Variants in CNTNAP2 observed in about 807,000 individuals in gnomAD.
CNTNAP2 encodes contactin-associated protein-like 2.
CNTNAP2 carries 98 observed loss-of-function variants against 155.2 expected under a neutral mutation model. That is an observed-to-expected ratio of 0.63 (90% confidence interval 0.54 to 0.75). CNTNAP2 has a LOEUF of 0.75. Ranked by LOEUF, CNTNAP2 falls within the 30% of genes least tolerant of loss-of-function variation. The pLI, the probability that CNTNAP2 is intolerant of heterozygous loss-of-function variation, is 0.00. For synonymous variants in CNTNAP2, 651 were observed against 631.2 expected (o/e 1.03, Z -0.47); for missense variants, 1,727 against 1,688.1 (o/e 1.02, Z -0.40).
intron 1 of CNTNAP2, among the ~76,000 whole-genome samples, chr7:146,769,893 G>T (rs767578403): frequency 9.9e-5 from 15 of 151,964 alleles, no homozygotes; most frequent in Non-Finnish European, 1.6e-4. Context: ...TGTGGGCTGG[G>T]TTGGGCCTGC....
rs555422385 is a variant in CNTNAP2 at position 146,338,450 on chromosome 7, A to G, written c.97+221477A>G. On this transcript the variant is annotated intron_variant, in intron 1 of 23. Transcript: ENST00000361727. ...TTCTCCGCATCAGATATAAAGTTATATGGAGTCCAAAGACCATCAATAGAG... is the reference window on the plus strand; with the variant it reads ...TTCTCCGCATCAGATATAAAGTTATGTGGAGTCCAAAGACCATCAATAGAG... 3.9e-5 allele frequency among the ~76,000 whole-genome samples: 6 copies of G among 152,264 alleles called. No individual in the cohort carries two copies. In the East Asian group the frequency reaches 1.2e-3, roughly 30 times the overall value.
At chr7:146,203,483 G>A (rs1056313763) in intron 1 of CNTNAP2, among the ~76,000 whole-genome samples, 4 of 152,144 alleles carry the variant, frequency 2.6e-5, no homozygotes, top group African/African-American at 9.7e-5. Context: ...GATGAGTGTG[G>A]CAGTGTACAG....
chr7:146,631,755 G>T (rs931250641), intron 1 of CNTNAP2, among the ~76,000 whole-genome samples: 1 of 152,124 alleles, frequency 6.6e-6, no homozygotes, highest in Non-Finnish European at 1.5e-5. Context: ...TTTCCACAGT[G>T]AACTACATAC....
chr7:148,095,915 A>G (rs1803955850), intron 15 of CNTNAP2, among the ~76,000 whole-genome samples: 1 of 152,226 alleles, frequency 6.6e-6, no homozygotes, highest in Admixed American at 6.5e-5. Flanking sequence ...TGTCAACTAG[A>G]GCAGGAGAAA....
At chr7:146,201,639 AGTGTGT>A (rs57595774) in intron 1 of CNTNAP2, among the ~76,000 whole-genome samples, 7,720 of 146,788 alleles carry the variant, frequency 0.053, 258 homozygotes, top group African/African-American at 0.1. Flanking sequence ...ATGTCCCACG[AGTGTGT>A]GTGTGTGTGT....
At chr7:148,276,262 G>C (rs1281848153) in intron 21 of CNTNAP2, among the ~76,000 whole-genome samples, 1 of 152,154 alleles carries the variant, frequency 6.6e-6, no homozygotes, top group Non-Finnish European at 1.5e-5. Context: ...GTTTACCTGG[G>C]AGACAATCCC....
chr7:147,966,037 A>G (rs1801203995), intron 14 of CNTNAP2, among the ~76,000 whole-genome samples: 1 of 152,176 alleles, frequency 6.6e-6, no homozygotes, highest in Admixed American at 6.5e-5. Context: ...CTAGGGGAGC[A>G]AAATGACCTG....
At chr7:146,969,819 G>C (rs535668353) in intron 3 of CNTNAP2, among the ~76,000 whole-genome samples, 18 of 152,252 alleles carry the variant, frequency 1.2e-4, no homozygotes, top group African/African-American at 3.6e-4. Context: ...ATACTACAAG[G>C]CTACAGTAAT....
intron 13 of CNTNAP2, among the ~76,000 whole-genome samples, chr7:147,786,886 T>TG (rs1797748595): frequency 6.6e-6 from 1 of 151,996 alleles, no homozygotes; most frequent in South Asian, 2.1e-4. Context: ...GGAGGATATG[T>TG]GGAGCCCAGG....
chr7:148,077,077 G>A (rs1045889815), intron 15 of CNTNAP2, among the ~76,000 whole-genome samples: 2 of 152,102 alleles, frequency 1.3e-5, no homozygotes, highest in African/African-American at 4.8e-5. Flanking sequence ...GGAGGCCAAG[G>A]CGGGTGGCTC....
At chr7:147,205,047 G>A (rs563267293) in intron 8 of CNTNAP2, among the ~76,000 whole-genome samples, 22 of 152,192 alleles carry the variant, frequency 1.4e-4, no homozygotes, top group Non-Finnish European at 2.6e-4. Flanking sequence ...AGTACACTAT[G>A]AAGTTCAATA....
intron 9 of CNTNAP2, among the ~76,000 whole-genome samples, chr7:147,339,616 G>T (rs860399): frequency 0.79 from 119,716 of 152,016 alleles, 47,730 homozygotes; most frequent in African/African-American, 0.92. Flanking sequence ...AATATTCATA[G>T]GTGAATATTG....
chr7:147,000,542 A>G (rs912945746), intron 3 of CNTNAP2, among the ~76,000 whole-genome samples: 1 of 152,020 alleles, frequency 6.6e-6, no homozygotes, highest in Non-Finnish European at 1.5e-5. Flanking sequence ...TTCAGTGTTA[A>G]GCCTGTCCAG....
intron 13 of CNTNAP2, among the ~76,000 whole-genome samples, chr7:147,880,714 G>C (rs1799505118): frequency 6.6e-6 from 1 of 152,084 alleles, no homozygotes; most frequent in South Asian, 2.1e-4. Flanking sequence ...CAAGACAAAG[G>C]AATGACAGGG....
At chr7:148,057,105 C>T (rs1803029017) in intron 15 of CNTNAP2, among the ~76,000 whole-genome samples, 1 of 152,152 alleles carries the variant, frequency 6.6e-6, no homozygotes, top group Non-Finnish European at 1.5e-5. Flanking sequence ...TATTCACAGC[C>T]CTCGGTGCAG....
At chr7:146,187,754 ACT>A (rs2116846706) in intron 1 of CNTNAP2, among the ~76,000 whole-genome samples, 1 of 151,852 alleles carries the variant, frequency 6.6e-6, no homozygotes, top group South Asian at 2.1e-4. Context: ...ACAACACGGA[ACT>A]CTCTCTTATT....
intron 20 of CNTNAP2, among the ~76,000 whole-genome samples, chr7:148,256,823 G>C (rs1796463274): frequency 6.6e-6 from 1 of 152,138 alleles, no homozygotes; most frequent in African/African-American, 2.4e-5. Flanking sequence ...GGGCTCAGGA[G>C]ACAAATCTGT....
chr7:146,529,269 T>C lies in CNTNAP2; in HGVS notation c.98-245002T>C, dbSNP rs538603318. ...TGTATGTTAACAAAGAAAAAATATA[T>C]GAAAGTAAAAGGAAGAAAAGAAATT... is the stretch of plus-strand genomic sequence containing the variant. On this transcript the variant is annotated intron_variant, in intron 1 of 23. Coordinates refer to ENST00000361727, the MANE Select transcript of CNTNAP2 (RefSeq NM_014141.6). Among the ~76,000 whole-genome samples, 5 of 152,262 alleles carry C rather than the reference T, an allele frequency of 3.3e-5. No homozygotes were observed. The East Asian group carries it at 5.8e-4, about 18-fold the overall frequency.
chr7:148,333,095 T>A (rs1234031192), intron 21 of CNTNAP2, among the ~76,000 whole-genome samples: 2 of 152,136 alleles, frequency 1.3e-5, no homozygotes, highest in Non-Finnish European at 2.9e-5. Context: ...TGGAGAGAGA[T>A]GTCCATCACA....
Sources: allele counts gnomAD v4.1 joint callset (sites outside exome capture counted in the v4.1 genomes callset), GRCh38; gene constraint gnomAD v4.1.1; transcripts MANE v1.5; gene names NCBI Gene and HGNC (gene_info 2026-07-23, HGNC 2026-07-21).